Variants in ABCG8 observed in about 807,000 individuals in gnomAD.
ABCG8 encodes ATP binding cassette subfamily G member 8.
Under a neutral mutation model 71.3 loss-of-function variants are expected in ABCG8, and 81 were observed. That is an observed-to-expected ratio of 1.14 (90% confidence interval 0.95 to 1.37). ABCG8 has a LOEUF of 1.37. Among genes scored for constraint, ABCG8 ranks in the 40% most tolerant of loss-of-function variants. The pLI, the probability that ABCG8 is intolerant of heterozygous loss-of-function variation, is 0.00. For synonymous variants in ABCG8, 451 were observed against 354.7 expected (o/e 1.27, Z -3.05); for missense variants, 1,119 against 866.2 (o/e 1.29, Z -3.66).
intron 1 of ABCG8, among the ~76,000 whole-genome samples, chr2:43,844,265 G>A (rs1668669072): frequency 6.6e-6 from 1 of 152,116 alleles, no homozygotes; most frequent in African/African-American, 2.4e-5. Flanking sequence ...GAGGTTCTCT[G>A]GGAAGGTGCC....
intron 2 of ABCG8, 57 bp downstream of exon 2, chr2:43,844,665 C>G: frequency 7.1e-7 from 1 of 1,415,604 alleles, no homozygotes; most frequent in Admixed American, 1.8e-5. Context: ...CCAGGAAATT[C>G]CCCGGGTGGA....
chr2:43,852,945 G>A, intron 6 of ABCG8, 77 bp downstream of exon 6: 1 of 1,566,412 alleles, frequency 6.4e-7, no homozygotes, highest in East Asian at 2.2e-5. Flanking sequence ...CAAGCTTGCT[G>A]GAAAGATTCA....
chr2:43,871,258 T>C (rs74914515), intron 6 of ABCG8, among the ~76,000 whole-genome samples: 1 of 140,380 alleles, frequency 7.1e-6, no homozygotes, highest in African/African-American at 2.7e-5. Flanking sequence ...CTGGATAGAA[T>C]TCTCACCCTC....
intron 6 of ABCG8, among the ~76,000 whole-genome samples, chr2:43,857,317 T>C (rs1020933642): frequency 6.6e-6 from 1 of 151,792 alleles, no homozygotes. Context: ...ACTATCTGCA[T>C]AGAATTCTTA....
At chr2:43,863,579 A>G (rs1385528608) in intron 6 of ABCG8, among the ~76,000 whole-genome samples, 7 of 151,470 alleles carry the variant, frequency 4.6e-5, no homozygotes, top group Admixed American at 4.6e-4. Flanking sequence ...TCTGGATAGA[A>G]TTCTATGTCT....
intron 6 of ABCG8, among the ~76,000 whole-genome samples, chr2:43,856,453 G>A (rs1005769839): frequency 4.6e-5 from 7 of 151,864 alleles, no homozygotes; most frequent in Non-Finnish European, 7.4e-5. Context: ...CATCTGGATA[G>A]AACTCTCACT....
rs545900797 is a variant in ABCG8 at position 43,856,588 on chromosome 2, C to T, written c.964+3720C>T. ...TCTCCCCATGTAGATAGAACTCTCCCTATCTGGATACAATTTTCCCATCTG... is the reference window on the plus strand; with the variant it reads ...TCTCCCCATGTAGATAGAACTCTCCTTATCTGGATACAATTTTCCCATCTG... On this transcript the variant is annotated intron_variant, in intron 6 of 12. Transcript: ENST00000272286. Among the ~76,000 whole-genome samples the T allele has an allele frequency of 1.2e-3, 187 of 151,888 alleles. 5 individuals are homozygous for T. The South Asian group carries it at 0.037, about 30-fold the overall frequency.
intron 6 of ABCG8, among the ~76,000 whole-genome samples, chr2:43,864,182 C>G (rs893381897): frequency 6.6e-6 from 1 of 151,558 alleles, no homozygotes; most frequent in African/African-American, 2.4e-5. Flanking sequence ...GGATAGAACT[C>G]TCACTCTCTC....
intron 1 of ABCG8, among the ~76,000 whole-genome samples, chr2:43,839,809 C>T (rs1204583370): frequency 6.6e-6 from 1 of 152,102 alleles, no homozygotes; most frequent in African/African-American, 2.4e-5. Flanking sequence ...ATCCATGTGG[C>T]TGTCAGGTTG....
chr2:43,872,013 G>A lies in ABCG8; in HGVS notation c.1002G>A (p.Gln334=), dbSNP rs1669791834. 1 of 1,613,988 alleles carries A rather than the reference G, an allele frequency of 6.2e-7. No homozygotes were observed. Among genetic ancestry groups the A allele is most frequent in the Non-Finnish European group, 8.5e-7 (1 of 1,180,050 alleles). The stretch of plus-strand genomic sequence containing the variant: ...GCATTGACAGGCGCAGCAGAGAGCA[G>A]GAATTGGCCACCAGGGAGAAGGCTC... ...LTSIDRRSRE[Q]ELATREKAQS... is the part of the protein sequence containing the mutation. Residue 334 remains glutamine (Q), a synonymous_variant, in exon 7 of 13, where the codon CAG becomes CAA. Transcript: ENST00000272286.
chr2:43,861,310 G>A (rs753497604), intron 6 of ABCG8, among the ~76,000 whole-genome samples: 7 of 150,814 alleles, frequency 4.6e-5, no homozygotes, highest in Non-Finnish European at 1.0e-4. Flanking sequence ...AACCATCTGG[G>A]TAGAATTCTC....
At chr2:43,843,692 T>C (rs1390362184) in intron 1 of ABCG8, among the ~76,000 whole-genome samples, 2 of 152,138 alleles carry the variant, frequency 1.3e-5, no homozygotes, top group Non-Finnish European at 2.9e-5. Context: ...GTTGCTTCTT[T>C]GTTTGGGCCT....
At chr2:43,856,093 ACTAT>A (rs1000232498) in intron 6 of ABCG8, among the ~76,000 whole-genome samples, 1 of 151,196 alleles carries the variant, frequency 6.6e-6, no homozygotes, top group African/African-American at 2.4e-5. Context: ...TACAGTTCTA[ACTAT>A]CTGTATAGAA....
chr2:43,876,120 A>C (rs1173951652), intron 11 of ABCG8, among the ~76,000 whole-genome samples: 2 of 152,080 alleles, frequency 1.3e-5, no homozygotes. Flanking sequence ...GGGGCCGCTG[A>C]GTCTCCTCAG....
Position 43,851,639 on chromosome 2 carries a change from G to T in ABCG8, c.378G>T (p.Lys126Asn), listed in dbSNP as rs1470752946. Residue 126 changes from lysine to asparagine, a missense_variant, in exon 4 of 13, where the codon AAG (lysine) becomes AAT (asparagine). Physicochemically the swap from Lys to Asn is moderately conservative, Grantham distance 94. Transcript: ENST00000272286. Reference protein sequence around the residue: ...DVITGRGHGGKIKSGQIWING... With the variant: ...DVITGRGHGGNIKSGQIWING... Reference sequence around the variant, plus strand: ...TCACTGGCCGAGGTCACGGCGGCAAGATCAAGTCAGGCCAGATCTGGATCA... The same window carrying T: ...TCACTGGCCGAGGTCACGGCGGCAATATCAAGTCAGGCCAGATCTGGATCA... The T allele has an allele frequency of 6.2e-7, 1 of 1,614,242 alleles. No homozygotes were observed. The highest frequency in any genetic ancestry group is 1.7e-5 in the Admixed American group (1 of 60,028).
At chr2:43,859,291 C>T (rs552361750) in intron 6 of ABCG8, among the ~76,000 whole-genome samples, 1 of 151,352 alleles carries the variant, frequency 6.6e-6, no homozygotes, top group Non-Finnish European at 1.5e-5. Flanking sequence ...AATTCTCACC[C>T]TCTGGATAGA....
At chr2:43,874,506 A>C in intron 10 of ABCG8, 23 bp downstream of exon 10, 1 of 1,491,230 alleles carries the variant, frequency 6.7e-7, no homozygotes, top group Non-Finnish European at 9.1e-7. Flanking sequence ...GGTTGAGAGC[A>C]AGTGCCCCCC....
chr2:43,861,754 A>G (rs1293980428), intron 6 of ABCG8, among the ~76,000 whole-genome samples: 1 of 150,364 alleles, frequency 6.7e-6, no homozygotes, highest in East Asian at 2.0e-4. Context: ...GATAGTGGAC[A>G]TAATTCTCAC....
chr2:43,860,505 A>AACTCTCACCCTCTAGATC (rs1669272925), intron 6 of ABCG8, among the ~76,000 whole-genome samples: 1 of 151,358 alleles, frequency 6.6e-6, no homozygotes, highest in African/African-American at 2.4e-5. Flanking sequence ...CCCTCTAGAT[A>AACTCTCACCCTCTAGATC]GAACTCTCAC....
Sources: allele counts gnomAD v4.1 joint callset (sites outside exome capture counted in the v4.1 genomes callset), GRCh38; gene constraint gnomAD v4.1.1; transcripts MANE v1.5; gene names NCBI Gene and HGNC (gene_info 2026-07-23, HGNC 2026-07-21).